The following DLGAP1 variants were observed in gnomAD, a reference collection of about 807,000 sequenced individuals.
The protein encoded by DLGAP1 is DLG associated protein 1.
A neutral mutation model predicts 90.8 loss-of-function variants in DLGAP1; 11 were observed. The observed-to-expected ratio is 0.12, with a 90% CI of 0.08 to 0.20. DLGAP1 has a LOEUF of 0.20. DLGAP1 is among the 10% of genes least tolerant of loss of function. DLGAP1 has a pLI of 1.00. For synonymous variants in DLGAP1, 558 were observed against 540.7 expected (o/e 1.03, Z -0.44); for missense variants, 1,050 against 1,333.8 (o/e 0.79, Z 3.31).
At chr18:4,070,505 T>C (rs945724564) in intron 2 of DLGAP1, among the ~76,000 whole-genome samples, 3 of 120,212 alleles carry the variant, frequency 2.5e-5, no homozygotes, top group Non-Finnish European at 5.2e-5. Context: ...AAGTTACTTA[T>C]AAAAGTATAT....
chr18:3,606,099 G>T (rs1213786619), intron 7 of DLGAP1, among the ~76,000 whole-genome samples: 1 of 152,170 alleles, frequency 6.6e-6, no homozygotes, highest in East Asian at 1.9e-4. Context: ...AAAGATTAAA[G>T]AATTTTGGCA....
chr18:3,577,986 C>T (rs1205359375), intron 8 of DLGAP1, among the ~76,000 whole-genome samples: 3 of 152,152 alleles, frequency 2.0e-5, no homozygotes. Context: ...ACAACTAAAT[C>T]TAATAATTGT....
chr18:3,874,106 C>T lies in DLGAP1; in HGVS notation c.957+5006G>A, dbSNP rs760857540. 3.9e-6 allele frequency: 6 copies of T among 1,548,394 alleles called. No homozygotes were observed. In the East Asian group the frequency reaches 7.3e-5, roughly 19 times the overall value. ...CTACCACAAAAACCATCCAAATCAACACCACACTATTACCAAATACAAAGT... is the reference window on the plus strand; with the variant it reads ...CTACCACAAAAACCATCCAAATCAATACCACACTATTACCAAATACAAAGT... On this transcript the variant is annotated intron_variant, in intron 4 of 12. Transcript: ENST00000315677.
At chr18:3,624,755 G>T (rs1326124144) in intron 7 of DLGAP1, among the ~76,000 whole-genome samples, 3 of 152,034 alleles carry the variant, frequency 2.0e-5, no homozygotes, top group Non-Finnish European at 4.4e-5. Flanking sequence ...AATTTATTTT[G>T]TTTTTTTCTG....
chr18:3,712,535 C>G (rs182854580), intron 7 of DLGAP1, among the ~76,000 whole-genome samples: 1 of 152,208 alleles, frequency 6.6e-6, no homozygotes, highest in Non-Finnish European at 1.5e-5. Context: ...TTATTAAGAG[C>G]TAATAGGGAC....
At chr18:3,826,501 G>C (rs1302252121) in intron 4 of DLGAP1, among the ~76,000 whole-genome samples, 1 of 152,320 alleles carries the variant, frequency 6.6e-6, no homozygotes, top group Non-Finnish European at 1.5e-5. Flanking sequence ...CAGGGACTCT[G>C]CCCTGGGGTC....
At chr18:4,354,499 TAAGCATAAAAACAGACAGCTTTCCTTAA>T in intron 1 of DLGAP1, among the ~76,000 whole-genome samples, 1 of 152,186 alleles carries the variant, frequency 6.6e-6, no homozygotes, top group East Asian at 1.9e-4. Context: ...TCATTGAACC[TAAGCATAAAAACAGACAGCTTTCCTTAA>T]GTCTTTGCCT....
chr18:4,399,153 A>G (rs936703489), intron 1 of DLGAP1, among the ~76,000 whole-genome samples: 2 of 152,236 alleles, frequency 1.3e-5, no homozygotes, highest in African/African-American at 4.8e-5. Flanking sequence ...TTTAAAAATC[A>G]TTAGAAAAGA....
intron 1 of DLGAP1, among the ~76,000 whole-genome samples, chr18:4,360,130 C>G (rs2081600862): frequency 6.6e-6 from 1 of 152,034 alleles, no homozygotes; most frequent in Non-Finnish European, 1.5e-5. Flanking sequence ...TTTAAATCCA[C>G]TGGGCACCAT....
chr18:4,000,043 G>C (rs1260842471), intron 3 of DLGAP1, among the ~76,000 whole-genome samples: 1 of 152,148 alleles, frequency 6.6e-6, no homozygotes, highest in African/African-American at 2.4e-5. Context: ...TTGAACTCCT[G>C]AGCTCAAGCA....
chr18:4,226,645 G>A (rs2078193818), intron 1 of DLGAP1, among the ~76,000 whole-genome samples: 1 of 144,658 alleles, frequency 6.9e-6, no homozygotes, highest in Non-Finnish European at 1.5e-5. Flanking sequence ...TTAAACTAGT[G>A]TATTATAAGA....
At chr18:3,662,183 A>G (rs1027028370) in intron 7 of DLGAP1, among the ~76,000 whole-genome samples, 20 of 152,184 alleles carry the variant, frequency 1.3e-4, no homozygotes, top group Admixed American at 5.9e-4. Context: ...TCAGTTTTCA[A>G]ACAAAATTTG....
At chr18:3,680,408 C>G (rs897800177) in intron 7 of DLGAP1, among the ~76,000 whole-genome samples, 6 of 152,194 alleles carry the variant, frequency 3.9e-5, no homozygotes, top group African/African-American at 1.2e-4. Context: ...ATCACAGAGT[C>G]TCAGCTTTCT....
At chr18:4,315,278 G>A (rs147814902) in intron 1 of DLGAP1, among the ~76,000 whole-genome samples, 3 of 152,296 alleles carry the variant, frequency 2.0e-5, no homozygotes, top group Non-Finnish European at 2.9e-5. Context: ...CAGGTAGGAT[G>A]TAAATTGATT....
intron 1 of DLGAP1, among the ~76,000 whole-genome samples, chr18:4,330,537 T>G (rs1022115660): frequency 6.6e-6 from 1 of 151,862 alleles, no homozygotes; most frequent in Non-Finnish European, 1.5e-5. Context: ...GTTTAGCTGT[T>G]TTTTACCCAT....
chr18:3,898,042 C>T (rs774928338), intron 3 of DLGAP1, among the ~76,000 whole-genome samples: 6 of 152,094 alleles, frequency 3.9e-5, no homozygotes, highest in African/African-American at 9.6e-5. Context: ...GATCCGCCCG[C>T]CTTGGCCTCC....
intron 5 of DLGAP1, among the ~76,000 whole-genome samples, chr18:3,769,427 C>T (rs1329669659): frequency 6.6e-6 from 1 of 152,144 alleles, no homozygotes; most frequent in Non-Finnish European, 1.5e-5. Flanking sequence ...AGCGTATGTT[C>T]ACTCAGAAAC....
At chr18:4,407,180 G>A (rs1369697871) in intron 1 of DLGAP1, among the ~76,000 whole-genome samples, 2 of 151,842 alleles carry the variant, frequency 1.3e-5, no homozygotes, top group Non-Finnish European at 2.9e-5. Context: ...AAAAAATAAC[G>A]GGCAAAACAC....
chr18:4,394,232 A>G (rs2082395473), intron 1 of DLGAP1, among the ~76,000 whole-genome samples: 1 of 152,226 alleles, frequency 6.6e-6, no homozygotes, highest in African/African-American at 2.4e-5. Context: ...GAAAAAACGT[A>G]TTCATTTACT....
Sources: allele counts gnomAD v4.1 joint callset (sites outside exome capture counted in the v4.1 genomes callset), GRCh38; gene constraint gnomAD v4.1.1; transcripts MANE v1.5; gene names NCBI Gene and HGNC (gene_info 2026-07-23, HGNC 2026-07-21).